TMCC3: variants seen among roughly 807,000 people sequenced by gnomAD.
TMCC3 encodes transmembrane and coiled-coil domain protein 3.
A neutral mutation model predicts 40.2 loss-of-function variants in TMCC3; 28 were observed. That is an observed-to-expected ratio of 0.70 (90% CI 0.52 to 0.95). The LOEUF is 0.95. Among genes scored for constraint, TMCC3 ranks in the 40% least tolerant of loss-of-function variants. TMCC3 has a pLI of 0.00. For synonymous variants in TMCC3, 255 were observed against 248.5 expected (o/e 1.03, Z -0.25); for missense variants, 554 against 615.2 (o/e 0.90, Z 1.05).
chr12:94,593,075 T>C (rs1434362651), intron 1 of TMCC3, among the ~76,000 whole-genome samples: 1 of 151,910 alleles, frequency 6.6e-6, no homozygotes, highest in Non-Finnish European at 1.5e-5. Flanking sequence ...CAGGTGCCTG[T>C]AATCCCAGCT....
At chr12:94,592,692 C>G (rs900346082) in intron 1 of TMCC3, among the ~76,000 whole-genome samples, 4 of 71,600 alleles carry the variant, frequency 5.6e-5, no homozygotes, top group Non-Finnish European at 1.3e-4. Flanking sequence ...AATTCTATTT[C>G]CTGAGAGCAG....
intron 3 of TMCC3, among the ~76,000 whole-genome samples, chr12:94,574,546 G>GT (rs1285293751): frequency 8.5e-5 from 13 of 152,188 alleles, no homozygotes; most frequent in African/African-American, 3.1e-4. Flanking sequence ...ACCTTTTCAG[G>GT]TTTTAAACAA....
At chr12:94,572,936 A>G (rs1475178228) in intron 3 of TMCC3, among the ~76,000 whole-genome samples, 1 of 152,146 alleles carries the variant, frequency 6.6e-6, no homozygotes, top group Non-Finnish European at 1.5e-5. Context: ...CGTCCATGCC[A>G]AGTCTTCAAT....
At chr12:94,635,660 G>GTTTTT (rs63480462) in intron 1 of TMCC3, among the ~76,000 whole-genome samples, 48 of 89,294 alleles carry the variant, frequency 5.4e-4, no homozygotes, top group East Asian at 6.9e-4. Flanking sequence ...GTGTATGTGG[G>GTTTTT]TTTTTTTTTT....
At chr12:94,613,103 TACACACACAC>T (rs61688830) in intron 1 of TMCC3, among the ~76,000 whole-genome samples, 3 of 148,946 alleles carry the variant, frequency 2.0e-5, no homozygotes, top group East Asian at 2.0e-4. Context: ...ATAAAATGGA[TACACACACAC>T]ACACACACAC....
intron 1 of TMCC3, among the ~76,000 whole-genome samples, chr12:94,625,412 G>A (rs995171093): frequency 2.6e-5 from 4 of 151,866 alleles, no homozygotes; most frequent in South Asian, 2.1e-4. Context: ...TGGCCAACAC[G>A]GTGAAACCCT....
intron 1 of TMCC3, among the ~76,000 whole-genome samples, chr12:94,620,883 T>C (rs946817274): frequency 6.6e-6 from 1 of 152,218 alleles, no homozygotes; most frequent in African/African-American, 2.4e-5. Flanking sequence ...ATGTAAACCA[T>C]TCCCCTTGTG....
At chr12:94,606,078 G>A (rs914404606) in intron 1 of TMCC3, among the ~76,000 whole-genome samples, 15 of 152,288 alleles carry the variant, frequency 9.8e-5, no homozygotes, top group Middle Eastern at 3.4e-3. Context: ...TCTTGAAAGC[G>A]TCAATGCTAG....
intron 1 of TMCC3, 142 bp from the exon 2 acceptor site, chr12:94,582,680 G>C (rs908458174): frequency 4.2e-6 from 3 of 718,108 alleles, no homozygotes; most frequent in Middle Eastern, 4.0e-4. Context: ...TCCCCCTGCT[G>C]TCCCCTCCAG....
rs532821469 is a variant in TMCC3, at chr12:94,606,067, G to T, written c.79-23529C>A. 9.9e-4 allele frequency among the ~76,000 whole-genome samples: 151 copies of T among 152,188 alleles called. 1 individual carries two copies. Among genetic ancestry groups the T allele is most frequent in the Non-Finnish European group, 1.7e-3 (114 of 68,038 alleles). ...TGTGTAGGGGGGTGGATAGAAGGCA[G>T]TCTTGAAAGCGTCAATGCTAGACGC... is the stretch of plus-strand genomic sequence containing the variant. On this transcript the variant is annotated intron_variant, in intron 1 of 3. Coordinates refer to ENST00000261226, the MANE Select transcript of TMCC3 (RefSeq NM_020698.4).
chr12:94,631,246 C>G (rs2068931968), intron 1 of TMCC3, among the ~76,000 whole-genome samples: 1 of 152,128 alleles, frequency 6.6e-6, no homozygotes, highest in South Asian at 2.1e-4. Context: ...CGTATGCACA[C>G]ACACACATCA....
At chr12:94,597,164 T>TATATATATATATATATATATATAA (rs1488070684) in intron 1 of TMCC3, among the ~76,000 whole-genome samples, 1 of 90,462 alleles carries the variant, frequency 1.1e-5, no homozygotes, top group African/African-American at 4.4e-5. Context: ...TATATGTATA[T>TATATATATATATATATATATATAA]AAATTAGCCA....
At chr12:94,625,385 G>C (rs2068898759) in intron 1 of TMCC3, among the ~76,000 whole-genome samples, 1 of 151,910 alleles carries the variant, frequency 6.6e-6, no homozygotes, top group East Asian at 1.9e-4. Context: ...CCTGAGGTCA[G>C]GAGTTCTAGA....
intron 1 of TMCC3, among the ~76,000 whole-genome samples, chr12:94,601,807 T>G (rs1442549102): frequency 9.8e-5 from 1 of 10,230 alleles, no homozygotes; most frequent in Admixed American, 1.4e-3. Flanking sequence ...AGACCTGGTC[T>G]CAAAAAAAAA....
chr12:94,636,442 CAT>C (rs1189085638), intron 1 of TMCC3, among the ~76,000 whole-genome samples: 3 of 152,214 alleles, frequency 2.0e-5, no homozygotes, highest in Non-Finnish European at 4.4e-5. Flanking sequence ...ACACACCAAA[CAT>C]ATAATTCAGG....
intron 1 of TMCC3, among the ~76,000 whole-genome samples, chr12:94,586,809 T>C (rs1406747819): frequency 1.3e-5 from 2 of 152,266 alleles, no homozygotes; most frequent in African/African-American, 4.8e-5. Flanking sequence ...GCTTACTTTA[T>C]GATTTAACAA....
intron 1 of TMCC3, among the ~76,000 whole-genome samples, chr12:94,640,525 A>G (rs1220577040): frequency 6.6e-6 from 1 of 152,166 alleles, no homozygotes; most frequent in Non-Finnish European, 1.5e-5. Flanking sequence ...CCTCAAACTC[A>G]GAAGATATAT....
intron 1 of TMCC3, among the ~76,000 whole-genome samples, chr12:94,587,241 C>T (rs1392304463): frequency 1.3e-5 from 2 of 152,016 alleles, no homozygotes; most frequent in Non-Finnish European, 2.9e-5. Context: ...GATCAGGACA[C>T]TGTGTTTCTG....
chr12:94,596,314 A>C (rs1162098258), intron 1 of TMCC3, among the ~76,000 whole-genome samples: 1 of 152,234 alleles, frequency 6.6e-6, no homozygotes. Flanking sequence ...AAGAAGACAC[A>C]GAGCCAGGAT....
Sources: allele counts gnomAD v4.1 joint callset (sites outside exome capture counted in the v4.1 genomes callset), GRCh38; gene constraint gnomAD v4.1.1; transcripts MANE v1.5; gene names NCBI Gene and HGNC (gene_info 2026-07-23, HGNC 2026-07-21).